Variants in CACNA2D1 observed in about 807,000 individuals in gnomAD.
CACNA2D1 encodes voltage-dependent calcium channel subunit alpha-2/delta-1.
A neutral mutation model predicts 171.5 loss-of-function variants in CACNA2D1; 53 were observed. That is an observed-to-expected ratio of 0.31 (90% CI 0.25 to 0.39). The LOEUF is 0.39. Ranked by LOEUF, CACNA2D1 falls within the 10% of genes least tolerant of loss-of-function variation. CACNA2D1 has a pLI of 1.00. For missense variants in CACNA2D1, 903 were observed against 1,299.8 expected (o/e 0.69, Z 4.69); for synonymous variants, 442 against 443.1 (o/e 1.00, Z 0.03).
intron 3 of CACNA2D1, among the ~76,000 whole-genome samples, chr7:82,178,342 G>A (rs1396046748): frequency 2.0e-5 from 3 of 152,116 alleles, no homozygotes; most frequent in Non-Finnish European, 4.4e-5. Flanking sequence ...ATATCATCTG[G>A]TGAGAACAAA....
intron 3 of CACNA2D1, among the ~76,000 whole-genome samples, chr7:82,317,951 AC>A (rs1004413041): frequency 2.3e-4 from 35 of 151,012 alleles, no homozygotes; most frequent in African/African-American, 8.3e-4. Context: ...AACTCAGCTG[AC>A]CTCCATGGTT....
At chr7:82,333,806 A>G (rs1817670095) in intron 3 of CACNA2D1, among the ~76,000 whole-genome samples, 1 of 152,144 alleles carries the variant, frequency 6.6e-6, no homozygotes, top group African/African-American at 2.4e-5. Context: ...CTAAAATTAT[A>G]TACTCATATA....
At chr7:82,018,606 T>TA (rs557439131) in intron 12 of CACNA2D1, among the ~76,000 whole-genome samples, 50 of 152,078 alleles carry the variant, frequency 3.3e-4, no homozygotes, top group African/African-American at 7.7e-4. Flanking sequence ...TCCTTGAAAA[T>TA]AAAAAAAATT....
chr7:81,959,457 T>C (rs1793836810), intron 37 of CACNA2D1, 100 bp from the exon 38 acceptor site: 7 of 833,896 alleles, frequency 8.4e-6, no homozygotes, highest in Non-Finnish European at 1.4e-5. Flanking sequence ...GAGAGATAAC[T>C]TATACATCAT....
chr7:82,298,912 A>G (rs1474233342), intron 3 of CACNA2D1, among the ~76,000 whole-genome samples: 1 of 151,910 alleles, frequency 6.6e-6, no homozygotes, highest in Non-Finnish European at 1.5e-5. Flanking sequence ...AAAGTACACA[A>G]ATTGGCCGGG....
intron 7 of CACNA2D1, among the ~76,000 whole-genome samples, chr7:82,070,065 T>C (rs1398560923): frequency 1.3e-5 from 2 of 152,162 alleles, no homozygotes; most frequent in Non-Finnish European, 2.9e-5. Flanking sequence ...CCCAAATTAT[T>C]TCACTAAATG....
chr7:82,111,424 G>GTATATATATATTTATATA (rs1563065282), intron 6 of CACNA2D1, among the ~76,000 whole-genome samples: 1 of 71,098 alleles, frequency 1.4e-5, no homozygotes, highest in Non-Finnish European at 2.6e-5. Flanking sequence ...GTGTATATAT[G>GTATATATATATTTATATA]TGTGTATATA....
intron 4 of CACNA2D1, among the ~76,000 whole-genome samples, chr7:82,159,264 A>T (rs925421679): frequency 5.3e-5 from 8 of 151,972 alleles, no homozygotes; most frequent in Non-Finnish European, 8.8e-5. Context: ...TAATCATCAA[A>T]TTGCAAGACA....
At chr7:82,275,825 T>C (rs1358672380) in intron 3 of CACNA2D1, among the ~76,000 whole-genome samples, 1 of 152,160 alleles carries the variant, frequency 6.6e-6, no homozygotes, top group Admixed American at 6.5e-5. Flanking sequence ...ACAGACAATA[T>C]AGTTAATGAT....
intron 3 of CACNA2D1, among the ~76,000 whole-genome samples, chr7:82,181,690 C>T (rs1000529989): frequency 2.6e-5 from 4 of 152,268 alleles, no homozygotes; most frequent in East Asian, 1.9e-4. Flanking sequence ...CTACAACTTA[C>T]GTGTTCTAAA....
At chr7:82,382,205 C>A (rs1823789056) in intron 1 of CACNA2D1, among the ~76,000 whole-genome samples, 1 of 152,160 alleles carries the variant, frequency 6.6e-6, no homozygotes, top group South Asian at 2.1e-4. Context: ...GAATTCTTTT[C>A]AATTTAAGGA....
intron 18 of CACNA2D1, among the ~76,000 whole-genome samples, chr7:82,004,650 T>C (rs1314400875): frequency 6.6e-6 from 1 of 152,156 alleles, no homozygotes; most frequent in Non-Finnish European, 1.5e-5. Context: ...TAAGTCTGCA[T>C]GGTTTAAAGG....
At chr7:82,236,241 CA>C (rs1452129438) in intron 3 of CACNA2D1, among the ~76,000 whole-genome samples, 1 of 151,914 alleles carries the variant, frequency 6.6e-6, no homozygotes, top group Non-Finnish European at 1.5e-5. Context: ...CTTCCTAGGC[CA>C]AATGTTATTT....
At chr7:82,197,830 C>G (rs1052294335) in intron 3 of CACNA2D1, among the ~76,000 whole-genome samples, 28 of 143,302 alleles carry the variant, frequency 2.0e-4, no homozygotes, top group African/African-American at 6.1e-4. Flanking sequence ...CACACACTAC[C>G]ATGTGTTTTA....
chr7:82,373,183 C>CA (rs540168389), intron 1 of CACNA2D1, among the ~76,000 whole-genome samples: 8 of 148,254 alleles, frequency 5.4e-5, no homozygotes, highest in East Asian at 2.0e-4. Context: ...GACACTGTCT[C>CA]AAAAAAAAAA....
chr7:82,055,358 G>A (rs978290067), intron 10 of CACNA2D1, among the ~76,000 whole-genome samples: 4 of 151,968 alleles, frequency 2.6e-5, no homozygotes, highest in Non-Finnish European at 4.4e-5. Context: ...CTCATCTAAT[G>A]GCTTTAGACA....
intron 10 of CACNA2D1, chr7:82,050,586 C>A (rs924357597): frequency 1.7e-5 from 12 of 702,608 alleles, no homozygotes; most frequent in South Asian, 4.4e-5. Context: ...AATTACTCTG[C>A]ATTGAAAATC....
At chr7:82,291,245 AAT>A (rs1253508961) in intron 3 of CACNA2D1, among the ~76,000 whole-genome samples, 3 of 141,640 alleles carry the variant, frequency 2.1e-5, no homozygotes, top group Non-Finnish European at 4.6e-5. Flanking sequence ...TTCTATATAT[AAT>A]ATATATACTA....
intron 15 of CACNA2D1, among the ~76,000 whole-genome samples, chr7:82,008,477 A>G (rs918030763): frequency 6.6e-5 from 10 of 152,184 alleles, no homozygotes; most frequent in Admixed American, 3.3e-4. Flanking sequence ...ATAATTTAAT[A>G]CATTAAATGA....
Sources: gnomAD v4.1 joint callset for allele counts (sites outside exome capture counted in the v4.1 genomes callset) on GRCh38, gnomAD v4.1.1 for gene constraint, MANE v1.5 for transcripts, NCBI Gene and HGNC (gene_info 2026-07-23, HGNC 2026-07-21) for gene names.